The following CNKSR2 variants were observed in gnomAD, a reference collection of about 807,000 sequenced individuals.
The protein encoded by CNKSR2 is CNK homolog protein 2.
In CNKSR2, 14 loss-of-function variants were observed where a neutral mutation model predicts 84.4. The ratio of observed to expected loss-of-function variants is 0.17; its 90% confidence interval spans 0.11 to 0.26. The LOEUF is 0.26. Ranked by LOEUF, CNKSR2 falls within the 10% of genes least tolerant of loss-of-function variation. The pLI is 1.00. For missense variants in CNKSR2, 485 were observed against 771.2 expected (o/e 0.63, Z 4.40); for synonymous variants, 275 against 277.9 (o/e 0.99, Z 0.10).
intron 13 of CNKSR2, among the ~76,000 whole-genome samples, chrX:21,584,331 G>A (rs2092371949): frequency 8.9e-6 from 1 of 112,315 alleles, no homozygotes; most frequent in African/African-American, 3.2e-5. Context: ...CTGATGGTTT[G>A]TTCAACATCC....
At chrX:21,469,636 C>T (rs2091172816) in intron 4 of CNKSR2, among the ~76,000 whole-genome samples, 1 of 110,424 alleles carries the variant, frequency 9.1e-6, no homozygotes, top group Admixed American at 9.7e-5. Context: ...AATGGCCAGG[C>T]GCAGTGGCTC....
intron 18 of CNKSR2, among the ~76,000 whole-genome samples, chrX:21,606,245 T>C (rs777530789): frequency 8.9e-6 from 1 of 112,004 alleles, no homozygotes; most frequent in Admixed American, 9.5e-5. Context: ...TATGGTGTTA[T>C]AGAGATTCAT....
intron 1 of CNKSR2, among the ~76,000 whole-genome samples, chrX:21,403,016 A>G (rs1371388728): frequency 2.7e-5 from 3 of 111,253 alleles, no homozygotes; most frequent in Admixed American, 9.6e-5. Context: ...GGAAAGAGAG[A>G]CAGTTAAATA....
At chrX:21,383,652 C>T (rs1296222008) in intron 1 of CNKSR2, among the ~76,000 whole-genome samples, 6 of 109,308 alleles carry the variant, frequency 5.5e-5, no homozygotes, top group East Asian at 2.8e-4. Flanking sequence ...AAATTAGTTG[C>T]GTTTTTAAAT....
intron 20 of CNKSR2, among the ~76,000 whole-genome samples, chrX:21,639,706 A>G (rs1309032677): frequency 9.0e-6 from 1 of 111,661 alleles, no homozygotes; most frequent in African/African-American, 3.3e-5. Flanking sequence ...AACTACTTGT[A>G]TATGCAGTGC....
intron 3 of CNKSR2, among the ~76,000 whole-genome samples, chrX:21,437,926 A>G (rs2090731037): frequency 9.0e-6 from 1 of 111,112 alleles, no homozygotes; most frequent in African/African-American, 3.3e-5. Flanking sequence ...ATTTTTTTTA[A>G]CTGACAATTT....
At chrX:21,561,599 G>A (rs2092190362) in intron 12 of CNKSR2, 39 bp downstream of exon 12, 1 of 970,743 alleles carries the variant, frequency 1.0e-6, no homozygotes, top group Non-Finnish European at 1.5e-6. Context: ...TGGGTTGTTT[G>A]AACAATAAGC....
intron 2 of CNKSR2, chrX:21,429,344 G>A (rs2090605420): frequency 8.9e-6 from 1 of 111,753 alleles, no homozygotes; most frequent in South Asian, 3.7e-4. Context: ...TATACTAATA[G>A]TAATACCAAG....
chrX:21,484,173 C>G (rs751805884), intron 5 of CNKSR2, among the ~76,000 whole-genome samples: 1 of 110,774 alleles, frequency 9.0e-6, no homozygotes, highest in Non-Finnish European at 1.9e-5. Context: ...CACCTGTAGT[C>G]CCAGCTACTT....
chrX:21,556,072 G>C (rs2092137453), intron 11 of CNKSR2, among the ~76,000 whole-genome samples: 1 of 110,369 alleles, frequency 9.1e-6, no homozygotes, highest in Non-Finnish European at 1.9e-5. Flanking sequence ...TTAGAAGGAA[G>C]GAAGAGGGAG....
At chrX:21,521,338 G>A (rs1278281679) in intron 9 of CNKSR2, among the ~76,000 whole-genome samples, 4 of 110,806 alleles carry the variant, frequency 3.6e-5, no homozygotes, top group Non-Finnish European at 5.7e-5. Context: ...GTAAATACAT[G>A]CAAGTAATTG....
chrX:21,513,315 G>A (rs1408384068), intron 8 of CNKSR2, among the ~76,000 whole-genome samples: 2 of 111,648 alleles, frequency 1.8e-5, no homozygotes, highest in African/African-American at 6.5e-5. Flanking sequence ...AGGAAGAAAA[G>A]ATGGAGGACA....
At chrX:21,587,372 G>T (rs185037774) in intron 13 of CNKSR2, among the ~76,000 whole-genome samples, 153 of 111,539 alleles carry the variant, frequency 1.4e-3, no homozygotes, top group Admixed American at 2.5e-3. Context: ...TGGAAGAAGG[G>T]TAATCTGAAG....
intron 4 of CNKSR2, among the ~76,000 whole-genome samples, chrX:21,468,049 T>C (rs1412078250): frequency 9.0e-6 from 1 of 111,113 alleles, no homozygotes; most frequent in African/African-American, 3.3e-5. Flanking sequence ...TGTGTAATGG[T>C]GTATCATTTA....
intron 1 of CNKSR2, among the ~76,000 whole-genome samples, chrX:21,410,722 A>G (rs1168696035): frequency 9.0e-6 from 1 of 111,379 alleles, no homozygotes; most frequent in Non-Finnish European, 1.9e-5. Flanking sequence ...ATGTTGACTA[A>G]GTATTTCAGT....
intron 1 of CNKSR2, among the ~76,000 whole-genome samples, chrX:21,413,156 T>C (rs746020481): frequency 1.8e-5 from 2 of 111,622 alleles, no homozygotes; most frequent in Non-Finnish European, 3.8e-5. Flanking sequence ...ATAAGTGGAA[T>C]CATACAGTAT....
At chrX:21,605,116 C>T (rs1351342763) in intron 18 of CNKSR2, among the ~76,000 whole-genome samples, 1 of 111,786 alleles carries the variant, frequency 8.9e-6, no homozygotes, top group Non-Finnish European at 1.9e-5. Context: ...GATAACAAAA[C>T]AGACTCAGAG....
chrX:21,556,834 G>T (rs2092144277), intron 11 of CNKSR2, among the ~76,000 whole-genome samples: 1 of 110,588 alleles, frequency 9.0e-6, no homozygotes, highest in African/African-American at 3.3e-5. Context: ...CTGGGTAGAG[G>T]TTTGTGGGGT....
intron 9 of CNKSR2, among the ~76,000 whole-genome samples, chrX:21,521,885 C>T (rs1031814011): frequency 9.0e-6 from 1 of 110,602 alleles, no homozygotes; most frequent in African/African-American, 3.3e-5. Flanking sequence ...CTAGAAAAAG[C>T]TGTGAAAGAA....
Sources: allele counts gnomAD v4.1 joint callset (sites outside exome capture counted in the v4.1 genomes callset), GRCh38; gene constraint gnomAD v4.1.1; transcripts MANE v1.5; gene names NCBI Gene and HGNC (gene_info 2026-07-23, HGNC 2026-07-21).